GNG7: variants seen among roughly 807,000 people sequenced by gnomAD.
The protein encoded by GNG7 is guanine nucleotide-binding protein G(I)/G(S)/G(O) subunit gamma-7.
A neutral mutation model predicts 4.0 loss-of-function variants in GNG7; 1 was observed. The observed-to-expected ratio is 0.25, with a 90% CI of 0.09 to 1.18. The LOEUF (loss-of-function observed/expected upper bound fraction) is 1.18, where lower values mean the gene tolerates loss of function less well. Among genes scored for constraint, GNG7 ranks in the 50% most tolerant of loss-of-function variants. The pLI is 0.50. For synonymous variants in GNG7, 34 were observed against 36.9 expected, an observed-to-expected ratio of 0.92 and a Z score of 0.29; for missense variants, 86 against 91.9, an observed-to-expected ratio of 0.94 and a Z score of 0.26.
At chr19:2,536,979 C>T (rs1465265038) in intron 3 of GNG7, among the ~76,000 whole-genome samples, 2 of 150,552 alleles carry the variant, frequency 1.3e-5, no homozygotes, top group Non-Finnish European at 2.9e-5. Context: ...CGGAGTCTCG[C>T]TCTGTCGCCC....
rs1178878836 is a variant in GNG7 at position 2,634,052 on chromosome 19, A to G, written c.-78+12172T>C. On this transcript the variant is annotated intron_variant, in intron 2 of 4. Transcript: ENST00000382159. The surrounding 1 kb of genome is among the most constrained non-coding windows in gnomAD (Gnocchi z 5.3). Reference sequence around the variant, plus strand: ...CCCTGCTGAGGTCCCCGGAGGCTGCACACATTGAAATCCACACCCTGAGTG... The same window carrying G: ...CCCTGCTGAGGTCCCCGGAGGCTGCGCACATTGAAATCCACACCCTGAGTG... 6.6e-6 allele frequency among the ~76,000 whole-genome samples: 1 copy of G among 152,110 alleles called. No homozygotes were observed. The highest frequency in any genetic ancestry group is 1.5e-5 in the Non-Finnish European group (1 of 67,994).
At chr19:2,697,179 G>A (rs1913287121) in intron 1 of GNG7, among the ~76,000 whole-genome samples, 1 of 152,150 alleles carries the variant, frequency 6.6e-6, no homozygotes, top group Non-Finnish European at 1.5e-5. Flanking sequence ...TTTAAAAGAT[G>A]GAATTGCATC....
chr19:2,591,774 T>C (rs4807303), intron 2 of GNG7, among the ~76,000 whole-genome samples: 22,509 of 151,958 alleles, frequency 0.15, 3,590 homozygotes, highest in East Asian at 0.36. Context: ...AATAGCCAAA[T>C]AGAAGATATA....
At chr19:2,550,859 T>TGCTGAGTC (rs1419474030) in intron 3 of GNG7, among the ~76,000 whole-genome samples, 1 of 152,152 alleles carries the variant, frequency 6.6e-6, no homozygotes, top group Non-Finnish European at 1.5e-5. Context: ...GAGAGGTATC[T>TGCTGAGTC]GCTGAGTCGC....
chr19:2,552,503 G>A (rs943442439), intron 3 of GNG7, among the ~76,000 whole-genome samples: 1 of 151,974 alleles, frequency 6.6e-6, no homozygotes. Context: ...TCCTACCTCA[G>A]CCTCCCAAGT....
intron 2 of GNG7, among the ~76,000 whole-genome samples, chr19:2,567,123 C>CAAAAAAAACAA (rs1319797554): frequency 5.0e-5 from 2 of 39,824 alleles, no homozygotes; most frequent in Non-Finnish European, 1.0e-4. Context: ...AAAAAAAAAA[C>CAAAAAAAACAA]AAAAAAAACA....
intron 2 of GNG7, among the ~76,000 whole-genome samples, chr19:2,572,586 C>T (rs529390182): frequency 5.3e-5 from 8 of 149,578 alleles, no homozygotes; most frequent in Admixed American, 1.4e-4. Context: ...TGTAAGCCAC[C>T]GCGCCCGGCC....
intron 3 of GNG7, among the ~76,000 whole-genome samples, chr19:2,539,447 G>C (rs1382339826): frequency 6.6e-6 from 1 of 151,928 alleles, no homozygotes; most frequent in Non-Finnish European, 1.5e-5. Flanking sequence ...TGGGATTACA[G>C]GTGTCCGCCA....
At chr19:2,671,322 C>T (rs913544998) in intron 1 of GNG7, among the ~76,000 whole-genome samples, 4 of 152,042 alleles carry the variant, frequency 2.6e-5, no homozygotes, top group Non-Finnish European at 4.4e-5. Flanking sequence ...GCAGGAAGGC[C>T]GAGGACCACC....
intron 2 of GNG7, among the ~76,000 whole-genome samples, chr19:2,644,327 T>A (rs1465027543): frequency 9.5e-4 from 109 of 114,392 alleles, no homozygotes; most frequent in African/African-American, 1.4e-3. Flanking sequence ...GGCCTACACT[T>A]TATATATATA....
At chr19:2,632,731 C>T in intron 2 of GNG7, 1 of 152,220 alleles carries the variant, frequency 6.6e-6, no homozygotes, top group African/African-American at 2.4e-5. Context: ...GATCGCACCA[C>T]TGCACTCGCA....
In GNG7 at chr19:2,601,416, C is replaced by G. The variant is rs565299418; in HGVS notation, c.-78+44808G>C. Among the ~76,000 whole-genome samples the G allele has an allele frequency of 1.5e-4, 23 of 152,226 alleles. No individual in the cohort carries two copies. In the East Asian group the frequency reaches 2.5e-3, roughly 17 times the overall value. ...GACTCAGTCCTGCCACGGCGCGGCT[C>G]GTGCCTATTGCAGATACATGTACAT... is the stretch of plus-strand genomic sequence containing the variant. On this transcript the variant is annotated intron_variant, in intron 2 of 4. Transcript: ENST00000382159.
In GNG7 at chr19:2,656,033, AAAAAAAAAAAGAAAGAAAG is replaced by A. The variant is rs1481313882; in HGVS notation, c.-134-9772_-134-9754del. 9.6e-3 allele frequency among the ~76,000 whole-genome samples: 1,144 copies of A among 119,702 alleles called. 18 individuals carry two copies. The highest frequency in any genetic ancestry group is 0.037 in the African/African-American group (992 of 27,068). The allele number at this position is 119,702 out of a possible 152,430, so 78.5% of individuals were successfully genotyped here. On this transcript the variant is annotated intron_variant, in intron 1 of 4. Coordinates refer to ENST00000382159, the MANE Select transcript of GNG7 (RefSeq NM_052847.3). ...GAGTGAGACTCCGATTCAAAACAAA[AAAAAAAAAAAGAAAGAAAG>A]AAAAAAAAAAGAAACATTGGTAAGG...
rs1205795405 is a variant in GNG7, at chr19:2,568,411, CACAT to C, written c.-77-13227_-77-13224del. Among the ~76,000 whole-genome samples the C allele has an allele frequency of 1.8e-5, 2 of 113,192 alleles. 1 individual carries two copies. The highest frequency in any genetic ancestry group is 6.4e-4 in the South Asian group (2 of 3,124). 74.3% of individuals were successfully genotyped at this position (113,192 alleles called of 152,430 possible). A position where few individuals can be genotyped will look rare whatever the true frequency, so the allele number is the denominator to read the frequency against. On this transcript the variant is annotated intron_variant, in intron 2 of 4. Transcript: ENST00000382159. Reference sequence around the variant, plus strand: ...TACAACACAAACACACACACATATACACATAGACATACACACATACATATACATA... The same window carrying C: ...TACAACACAAACACACACACATATACAGACATACACACATACATATACATA...
At chr19:2,570,660 C>A (rs918147800) in intron 2 of GNG7, among the ~76,000 whole-genome samples, 1 of 152,224 alleles carries the variant, frequency 6.6e-6, no homozygotes, top group Non-Finnish European at 1.5e-5. Flanking sequence ...GGAGCCAAGT[C>A]TCAGCCATGA....
rs528427802 is a variant in GNG7 at position 2,656,370 on chromosome 19, A to G, written c.-134-10090T>C. Among the ~76,000 whole-genome samples, 22 of 152,246 alleles carry G rather than the reference A, an allele frequency of 1.4e-4. No individual in the cohort carries two copies. In the East Asian group the frequency reaches 2.7e-3, roughly 19 times the overall value. ...TGTCATCCCAGCACTTTGGGAGGCC[A>G]AGGCAGGCGGATCACAAGGTTAGGA... On this transcript the variant is annotated intron_variant, in intron 1 of 4. Coordinates refer to ENST00000382159, the MANE Select transcript of GNG7 (RefSeq NM_052847.3).
intron 3 of GNG7, among the ~76,000 whole-genome samples, chr19:2,551,331 C>T (rs890096392): frequency 3.3e-5 from 5 of 152,152 alleles, no homozygotes; most frequent in Admixed American, 2.0e-4. Context: ...ACACCACGGG[C>T]ACATGCGACC....
rs1451181787 is a variant in GNG7 at position 2,513,592 on chromosome 19, C to T, written c.*1430G>A. ...CCCATCCTGCGTCTAAGGCATCTCC[C>T]GGCCTCAGACAGCCGTCCTGGGTTG... On this transcript the variant is annotated 3_prime_UTR_variant, in exon 5 of 5. Coordinates refer to ENST00000382159, the MANE Select transcript of GNG7 (RefSeq NM_052847.3). 18 of 985,386 alleles carry T rather than the reference C, an allele frequency of 1.8e-5. No individual in the cohort carries two copies. In the South Asian group the frequency reaches 6.1e-4, roughly 33 times the overall value. The allele number at this position is 985,386 out of a possible 1,614,324, so 61.0% of individuals were successfully genotyped here.
At chr19:2,654,308 G>GATCC (rs1393593957) in intron 1 of GNG7, among the ~76,000 whole-genome samples, 1 of 150,642 alleles carries the variant, frequency 6.6e-6, no homozygotes, top group Non-Finnish European at 1.5e-5. Flanking sequence ...TCCTAGACAC[G>GATCC]ATCCGAAACA....
Sources: gnomAD v4.1 joint callset for allele counts (sites outside exome capture counted in the v4.1 genomes callset) on GRCh38, gnomAD v4.1.1 for gene constraint, Gnocchi (gnomAD v3.1) non-coding constraint, MANE v1.5 for transcripts, NCBI Gene and HGNC (gene_info 2026-07-23, HGNC 2026-07-21) for gene names.